ZDHHC2: variants seen among roughly 807,000 people sequenced by gnomAD.
ZDHHC2 encodes zDHHC palmitoyltransferase 2.
ZDHHC2 carries 51 observed loss-of-function variants against 55.6 expected under a neutral mutation model. The observed-to-expected ratio is 0.92, with a 90% CI of 0.73 to 1.16. ZDHHC2 has a LOEUF of 1.16. ZDHHC2 is among the 50% of genes most tolerant of loss of function. The pLI is 0.00. For missense variants in ZDHHC2, 491 were observed against 442.4 expected (o/e 1.11, Z -0.99); for synonymous variants, 199 against 152.9 (o/e 1.30, Z -2.22).
chr8:17,160,240 C>A (rs1335542749), intron 1 of ZDHHC2, among the ~76,000 whole-genome samples: 2 of 152,144 alleles, frequency 1.3e-5, no homozygotes, highest in African/African-American at 4.8e-5. Context: ...TGAAAAGTTT[C>A]AATAGTACAA....
At chr8:17,209,472 G>T (rs1241317876) in intron 8 of ZDHHC2, among the ~76,000 whole-genome samples, 1 of 152,134 alleles carries the variant, frequency 6.6e-6, no homozygotes, top group East Asian at 1.9e-4. Context: ...GGGCAACAGA[G>T]TGAAACCCTG....
chr8:17,200,339 C>T lies in ZDHHC2; in HGVS notation c.476+1926C>T, dbSNP rs148821908. ...AACCCTCAACCAGTGACAGCCTGGC[C>T]GGTAAAAAATGCTTTATCCTTCCTG... is the stretch of plus-strand genomic sequence containing the variant. On this transcript the variant is annotated intron_variant, in intron 6 of 12. Coordinates refer to ENST00000262096, the MANE Select transcript of ZDHHC2 (RefSeq NM_016353.5). 2.3e-3 allele frequency among the ~76,000 whole-genome samples: 344 copies of T among 152,268 alleles called. 2 individuals are homozygous for T. Among genetic ancestry groups the T allele is most frequent in the African/African-American group, 8.1e-3 (336 of 41,548 alleles).
chr8:17,183,764 G>T (rs1259825898), intron 1 of ZDHHC2, among the ~76,000 whole-genome samples: 1 of 152,130 alleles, frequency 6.6e-6, no homozygotes, highest in African/African-American at 2.4e-5. Context: ...CACCCTGGAA[G>T]GATGAATTTT....
chr8:17,174,888 T>G (rs1165645907), intron 1 of ZDHHC2, among the ~76,000 whole-genome samples: 1 of 151,702 alleles, frequency 6.6e-6, no homozygotes, highest in Non-Finnish European at 1.5e-5. Flanking sequence ...TTGTGGGGTT[T>G]TTTTTGTTTG....
chr8:17,210,585 T>C, intron 10 of ZDHHC2, 105 bp downstream of exon 10: 1 of 891,870 alleles, frequency 1.1e-6, no homozygotes, highest in South Asian at 2.0e-5. Flanking sequence ...CATAAGAAAA[T>C]TTACTGCAAT....
At chr8:17,190,267 A>AG (rs1436937041) in intron 3 of ZDHHC2, among the ~76,000 whole-genome samples, 2 of 151,934 alleles carry the variant, frequency 1.3e-5, no homozygotes, top group Non-Finnish European at 2.9e-5. Flanking sequence ...AAAAAAAAAA[A>AG]GAAAAGAAAA....
chr8:17,172,358 A>C (rs1299176062), intron 1 of ZDHHC2, among the ~76,000 whole-genome samples: 1 of 152,186 alleles, frequency 6.6e-6, no homozygotes, highest in Non-Finnish European at 1.5e-5. Flanking sequence ...TCGCTCAAGC[A>C]CAACAGAGGT....
chr8:17,196,585 A>G (rs1806322855), intron 4 of ZDHHC2, among the ~76,000 whole-genome samples: 1 of 151,752 alleles, frequency 6.6e-6, no homozygotes, highest in Non-Finnish European at 1.5e-5. Context: ...AATGTTTAAA[A>G]AAAAAAAAAC....
At chr8:17,201,957 A>T (rs1050887034) in intron 6 of ZDHHC2, among the ~76,000 whole-genome samples, 6 of 152,108 alleles carry the variant, frequency 3.9e-5, no homozygotes, top group Non-Finnish European at 7.4e-5. Flanking sequence ...AATTCTGGGG[A>T]TCAATCTCAT....
Position 17,165,410 on chromosome 8 carries a change from A to G in ZDHHC2, c.130+8557A>G, listed in dbSNP as rs142249469. 3.4e-3 allele frequency among the ~76,000 whole-genome samples: 511 copies of G among 152,364 alleles called. 10 individuals are homozygous for G. The highest frequency in any genetic ancestry group is 2.2e-3 in the Non-Finnish European group (147 of 68,042). ...ACTTAATCAAGGTCTTAATTGTAGC[A>G]TATTTTAATGAAATGCAACTTACTC... On this transcript the variant is annotated intron_variant, in intron 1 of 12. Transcript: ENST00000262096.
chr8:17,156,771 G>A lies in ZDHHC2; in HGVS notation c.48G>A (p.Arg16=). 2.0e-6 allele frequency: 3 copies of A among 1,511,282 alleles called. No homozygotes were observed. The highest frequency in any genetic ancestry group is 1.8e-4 in the Middle Eastern group (1 of 5,572). The allele number at this position is 1,511,282 out of a possible 1,614,324, so 93.6% of individuals were successfully genotyped here. Residue 16 remains arginine, a synonymous_variant, in exon 1 of 13, where the codon CGG becomes CGA. Coordinates refer to ENST00000262096, the MANE Select transcript of ZDHHC2 (RefSeq NM_016353.5). ...GCAGCGCCAGGCGGCGGTGCCGGCG[G>A]GTGCTGTACTGGATCCCGGTGGTGT... is the stretch of plus-strand genomic sequence containing the variant. ...PGSSARRRCR[R]VLYWIPVVFI... is the part of the protein sequence containing the mutation.
intron 1 of ZDHHC2, among the ~76,000 whole-genome samples, chr8:17,165,999 G>A: frequency 6.6e-6 from 1 of 152,218 alleles, no homozygotes; most frequent in East Asian, 1.9e-4. Context: ...GGAAAGGGAA[G>A]TAGGTGACAG....
rs1232206818 is a variant in ZDHHC2 at position 17,164,596 on chromosome 8, T to TAA, written c.130+7754_130+7755dup. ...CATCAGCAAAATATACACTAAACAA[T>TAA]AAAAAAAAAAAACCTTTTTCTCTAA... On this transcript the variant is annotated intron_variant, in intron 1 of 12. Transcript: ENST00000262096. 1.2e-4 allele frequency among the ~76,000 whole-genome samples: 16 copies of TAA among 134,784 alleles called. No individual in the cohort carries two copies. In the South Asian group the frequency reaches 2.3e-3, roughly 20 times the overall value. The allele number at this position is 134,784 out of a possible 152,430, so 88.4% of individuals were successfully genotyped here.
chr8:17,211,551 G>A (rs1585737771), intron 10 of ZDHHC2, among the ~76,000 whole-genome samples: 1 of 152,248 alleles, frequency 6.6e-6, no homozygotes, highest in East Asian at 1.9e-4. Flanking sequence ...GTGCAGTGGA[G>A]TGATCATGGC....
chr8:17,211,866 C>A lies in ZDHHC2; in HGVS notation c.950+1386C>A, dbSNP rs75594011. On this transcript the variant is annotated intron_variant, in intron 10 of 12. Transcript: ENST00000262096. ...CTAAATGTTTATGGTTTTTCATATA[C>A]CTCAATGCAGAAAAATCTAGTTTTA... Among the ~76,000 whole-genome samples, 730 of 152,098 alleles carry A rather than the reference C, an allele frequency of 4.8e-3. 12 individuals carry two copies. The highest frequency in any genetic ancestry group is 0.016 in the African/African-American group (683 of 41,504).
At chr8:17,205,163 A>C (rs1489751534) in intron 6 of ZDHHC2, among the ~76,000 whole-genome samples, 1 of 152,212 alleles carries the variant, frequency 6.6e-6, no homozygotes, top group Non-Finnish European at 1.5e-5. Flanking sequence ...CTTTTCTTAA[A>C]GCTCCCATTT....
In ZDHHC2 at chr8:17,220,627, G is replaced by A. The variant is rs1482723734; in HGVS notation, c.*406G>A. On this transcript the variant is annotated 3_prime_UTR_variant, in exon 13 of 13. Transcript: ENST00000262096. ...AGACTATTAAGATATTAGGATTTCA[G>A]AGATTTCAAGTCACATTATAATGAT... 1.3e-5 allele frequency: 2 copies of A among 152,154 alleles called. No homozygotes were observed. The highest frequency in any genetic ancestry group is 2.4e-5 in the African/African-American group (1 of 41,444). 9.4% of individuals were successfully genotyped at this position (152,154 alleles called of 1,614,324 possible). A position where few individuals can be genotyped will look rare whatever the true frequency, so the allele number is the denominator to read the frequency against.
intron 1 of ZDHHC2, among the ~76,000 whole-genome samples, chr8:17,170,690 G>A (rs1325999133): frequency 6.6e-6 from 1 of 152,048 alleles, no homozygotes; most frequent in African/African-American, 2.4e-5. Flanking sequence ...TGAAAAATAA[G>A]GAACTCTCAG....
At chr8:17,204,453 T>C (rs1211606425) in intron 6 of ZDHHC2, among the ~76,000 whole-genome samples, 3 of 152,248 alleles carry the variant, frequency 2.0e-5, no homozygotes, top group African/African-American at 7.2e-5. Context: ...ACCAAGAAGT[T>C]ACTCAACCCA....
Sources: gnomAD v4.1 joint callset for allele counts (sites outside exome capture counted in the v4.1 genomes callset) on GRCh38, gnomAD v4.1.1 for gene constraint, MANE v1.5 for transcripts, NCBI Gene and HGNC (gene_info 2026-07-23, HGNC 2026-07-21) for gene names.